Variants in KALRN observed in about 807,000 individuals in gnomAD.
KALRN encodes kalirin RhoGEF kinase, also known as kalirin.
A neutral mutation model predicts 353.7 loss-of-function variants in KALRN; 70 were observed. The observed-to-expected ratio is 0.20, with a 90% CI of 0.16 to 0.24. The LOEUF is 0.24. Among genes scored for constraint, KALRN ranks in the 10% least tolerant of loss-of-function variants. KALRN has a pLI of 1.00. For synonymous variants in KALRN, 1,391 were observed against 1,434.8 expected (o/e 0.97, Z 0.69); for missense variants, 2,791 against 3,756.7 (o/e 0.74, Z 6.72).
At chr3:124,376,991 T>G (rs2086677434) in intron 10 of KALRN, among the ~76,000 whole-genome samples, 1 of 152,158 alleles carries the variant, frequency 6.6e-6, no homozygotes, top group Admixed American at 6.5e-5. Flanking sequence ...GGCCCAAGAA[T>G]GAATGTAATT....
intron 33 of KALRN, among the ~76,000 whole-genome samples, chr3:124,546,230 GAT>G (rs2069630838): frequency 6.8e-6 from 1 of 148,066 alleles, no homozygotes; most frequent in Non-Finnish European, 1.5e-5. Context: ...GAGGTGGGCA[GAT>G]CATTTGAGCC....
At chr3:124,367,643 AC>A (rs1560699065) in intron 10 of KALRN, among the ~76,000 whole-genome samples, 1 of 13,374 alleles carries the variant, frequency 7.5e-5, no homozygotes, top group Non-Finnish European at 1.5e-4. Context: ...TGGGGGGCTG[AC>A]CGCCCCCACC....
At chr3:124,105,827 GATGAT>G (rs2062253076) in intron 1 of KALRN, among the ~76,000 whole-genome samples, 1 of 152,200 alleles carries the variant, frequency 6.6e-6, no homozygotes, top group Non-Finnish European at 1.5e-5. Context: ...AGGGTCAAGT[GATGAT>G]TTTGTTCAAG....
At chr3:124,707,442 CTT>C (rs2062686660) in intron 57 of KALRN, among the ~76,000 whole-genome samples, 1 of 149,586 alleles carries the variant, frequency 6.7e-6, no homozygotes, top group South Asian at 2.1e-4. Context: ...TCCTTCCTTC[CTT>C]CCCTCCTTCC....
At chr3:124,525,810 T>C (rs1421048951) in intron 33 of KALRN, among the ~76,000 whole-genome samples, 1 of 152,134 alleles carries the variant, frequency 6.6e-6, no homozygotes, top group Non-Finnish European at 1.5e-5. Flanking sequence ...CCAACAAACT[T>C]GTAGGAGAGC....
intron 34 of KALRN, among the ~76,000 whole-genome samples, chr3:124,579,324 T>A (rs2074413540): frequency 1.3e-5 from 2 of 152,206 alleles, no homozygotes; most frequent in African/African-American, 4.8e-5. Context: ...CATAAAGTGG[T>A]CACGTAGGTA....
At chr3:124,618,788 C>A (rs1381117576) in intron 34 of KALRN, among the ~76,000 whole-genome samples, 2 of 152,102 alleles carry the variant, frequency 1.3e-5, no homozygotes, top group African/African-American at 4.8e-5. Context: ...GGTGCCCACT[C>A]CAGCCTCGGA....
At position 124,334,604 on chromosome 3, in the gene KALRN, C is replaced by A. The variant is rs1250816835; in HGVS notation, c.1647+109C>A. 21 of 717,244 alleles carry A rather than the reference C, an allele frequency of 2.9e-5. No individual in the cohort carries two copies. The highest frequency in any genetic ancestry group is 4.9e-5 in the Non-Finnish European group (21 of 427,046). The allele number at this position is 717,244 out of a possible 1,614,324, so 44.4% of individuals were successfully genotyped here. ...AGGAGAGCCCAGATTTATAGAAGGA[C>A]ATAATGAAATTCAGCTCTCAACTGC... On this transcript the variant is annotated intron_variant, in intron 9 of 59. Coordinates refer to ENST00000682506, the MANE Select transcript of KALRN (RefSeq NM_001388419.1). This position sits in a 1 kb window ranked among gnomAD's most constrained non-coding sequence, Gnocchi z 4.2.
At chr3:124,208,927 G>C (rs1035325270) in intron 1 of KALRN, among the ~76,000 whole-genome samples, 10 of 151,990 alleles carry the variant, frequency 6.6e-5, no homozygotes, top group Middle Eastern at 3.4e-3. Context: ...GATCACATCA[G>C]TGCACTCCAG....
At chr3:124,464,065 A>G (rs995199061) in intron 25 of KALRN, among the ~76,000 whole-genome samples, 7 of 152,200 alleles carry the variant, frequency 4.6e-5, no homozygotes, top group African/African-American at 1.4e-4. Context: ...TAAGAGCCCA[A>G]TAAAACTATT....
chr3:124,167,149 T>G (rs2070997048), intron 1 of KALRN, among the ~76,000 whole-genome samples: 1 of 152,166 alleles, frequency 6.6e-6, no homozygotes, highest in Admixed American at 6.5e-5. Context: ...GTAAACCCTG[T>G]GTCCTTGCAG....
At chr3:124,627,916 A>T (rs765203893) in intron 34 of KALRN, among the ~76,000 whole-genome samples, 13 of 152,198 alleles carry the variant, frequency 8.5e-5, no homozygotes, top group Admixed American at 7.2e-4. Context: ...GCTGTGAGTT[A>T]TCCTTCATAC....
intron 17 of KALRN, among the ~76,000 whole-genome samples, chr3:124,434,999 C>T (rs1301527788): frequency 6.6e-6 from 1 of 152,216 alleles, no homozygotes; most frequent in Non-Finnish European, 1.5e-5. Context: ...TCCTCCTTGA[C>T]CTGAAGCCAT....
At chr3:124,352,266 A>T (rs887989672) in intron 10 of KALRN, among the ~76,000 whole-genome samples, 1 of 152,158 alleles carries the variant, frequency 6.6e-6, no homozygotes, top group African/African-American at 2.4e-5. Context: ...AGATGTTTCC[A>T]TGTCTGCCCA....
At chr3:124,646,536 A>G (rs1226543077) in intron 37 of KALRN, among the ~76,000 whole-genome samples, 1 of 151,534 alleles carries the variant, frequency 6.6e-6, no homozygotes, top group African/African-American at 2.4e-5. Context: ...GACTACAGGC[A>G]TGTGCCACCA....
At chr3:124,102,098 T>A (rs1309377611) in intron 1 of KALRN, among the ~76,000 whole-genome samples, 2 of 152,158 alleles carry the variant, frequency 1.3e-5, no homozygotes, top group African/African-American at 4.8e-5. Context: ...ACCTTCTCAT[T>A]TGAGCCAAAT....
At chr3:124,421,639 G>T (rs2092788299) in intron 14 of KALRN, among the ~76,000 whole-genome samples, 1 of 152,162 alleles carries the variant, frequency 6.6e-6, no homozygotes, top group Admixed American at 6.5e-5. Flanking sequence ...ACACTTTCGG[G>T]TAGTCTTTGA....
chr3:124,206,047 A>G (rs2076382236), intron 1 of KALRN, among the ~76,000 whole-genome samples: 1 of 152,238 alleles, frequency 6.6e-6, no homozygotes, highest in South Asian at 2.1e-4. Flanking sequence ...CAATTTCTTC[A>G]GTCTCCACAG....
chr3:124,404,520 A>T (rs2091281001), intron 13 of KALRN, among the ~76,000 whole-genome samples: 1 of 151,194 alleles, frequency 6.6e-6, no homozygotes, highest in Non-Finnish European at 1.5e-5. Flanking sequence ...TGACTTCATC[A>T]CCTGTCTTGT....
Sources: allele counts gnomAD v4.1 joint callset (sites outside exome capture counted in the v4.1 genomes callset), GRCh38; gene constraint gnomAD v4.1.1; non-coding constraint Gnocchi (gnomAD v3.1); transcripts MANE v1.5; gene names NCBI Gene and HGNC (gene_info 2026-07-23, HGNC 2026-07-21).